The following OCA2 variants were observed in gnomAD, a reference collection of about 807,000 sequenced individuals.
OCA2 encodes OCA2 melanosomal transmembrane protein.
A neutral mutation model predicts 100.2 loss-of-function variants in OCA2; 77 were observed. The observed-to-expected ratio is 0.77, with a 90% CI of 0.64 to 0.93. OCA2 has a LOEUF of 0.93. Ranked by LOEUF, OCA2 falls within the 40% of genes least tolerant of loss-of-function variation. The probability of loss-of-function intolerance (pLI) is 0.00; values close to 1 mark genes in which losing one functional copy is unlikely to be tolerated. For missense variants in OCA2, 1,062 were observed against 1,089.1 expected (o/e 0.98, Z 0.35); for synonymous variants, 432 against 439.2 (o/e 0.98, Z 0.21).
chr15:27,885,092 A>T (rs958525007), intron 19 of OCA2, among the ~76,000 whole-genome samples: 2 of 152,214 alleles, frequency 1.3e-5, no homozygotes, highest in East Asian at 3.8e-4. Flanking sequence ...AAGCTACATG[A>T]CTTATGTTAT....
intron 23 of OCA2, among the ~76,000 whole-genome samples, chr15:27,810,323 T>A (rs1390061999): frequency 6.6e-6 from 1 of 152,168 alleles, no homozygotes; most frequent in Non-Finnish European, 1.5e-5. Context: ...AATGAAACTG[T>A]ATCTCTATCT....
At chr15:27,916,828 G>A (rs1282402866) in intron 19 of OCA2, among the ~76,000 whole-genome samples, 2 of 152,214 alleles carry the variant, frequency 1.3e-5, no homozygotes, top group African/African-American at 4.8e-5. Flanking sequence ...GTGCTTCAGA[G>A]TGGGGCCTGT....
At chr15:27,806,283 GT>G (rs2033843722) in intron 23 of OCA2, among the ~76,000 whole-genome samples, 1 of 152,322 alleles carries the variant, frequency 6.6e-6, no homozygotes, top group East Asian at 1.9e-4. Flanking sequence ...GAAAATAGTT[GT>G]TTTTCATTGT....
At chr15:28,086,365 C>G (rs1477715315) in intron 1 of OCA2, among the ~76,000 whole-genome samples, 1 of 152,182 alleles carries the variant, frequency 6.6e-6, no homozygotes, top group Non-Finnish European at 1.5e-5. Flanking sequence ...AGAGTCCTAG[C>G]GAGAGGCAGA....
At chr15:27,960,274 T>C (rs2040365119) in intron 15 of OCA2, among the ~76,000 whole-genome samples, 1 of 152,222 alleles carries the variant, frequency 6.6e-6, no homozygotes, top group African/African-American at 2.4e-5. Flanking sequence ...ATTAACATTA[T>C]TGTGTCACAG....
chr15:27,868,959 C>T (rs2036434973), intron 21 of OCA2, among the ~76,000 whole-genome samples: 1 of 152,176 alleles, frequency 6.6e-6, no homozygotes, highest in Non-Finnish European at 1.5e-5. Flanking sequence ...GGAGAGACCT[C>T]GACGCCCACC....
chr15:27,968,211 C>G (rs935888422), intron 14 of OCA2, among the ~76,000 whole-genome samples: 2 of 152,340 alleles, frequency 1.3e-5, no homozygotes, highest in East Asian at 3.9e-4. Flanking sequence ...TCCTGAGCCC[C>G]CAGCAGGACA....
chr15:28,004,688 G>T (rs898347234), intron 9 of OCA2, among the ~76,000 whole-genome samples: 1 of 151,554 alleles, frequency 6.6e-6, no homozygotes, highest in South Asian at 2.1e-4. Flanking sequence ...AGTCTCACAC[G>T]CTGACTCACA....
At chr15:27,845,100 G>A in intron 22 of OCA2, 48 bp from the exon 23 acceptor site, 1 of 1,355,466 alleles carries the variant, frequency 7.4e-7, no homozygotes, top group Non-Finnish European at 1.1e-6. Context: ...TTGGTGGTAA[G>A]CTTCTGTTCT....
chr15:28,084,797 C>G (rs746389410), intron 1 of OCA2, among the ~76,000 whole-genome samples: 32 of 152,220 alleles, frequency 2.1e-4, no homozygotes, highest in Non-Finnish European at 4.6e-4. Flanking sequence ...TCAGAGGCCC[C>G]CTTCACCCCA....
intron 18 of OCA2, among the ~76,000 whole-genome samples, chr15:27,938,334 A>T (rs182316053): frequency 6.6e-6 from 1 of 152,298 alleles, no homozygotes; most frequent in Non-Finnish European, 1.5e-5. Context: ...GTAGCTAAGC[A>T]TCCACCCTGT....
chr15:27,933,204 T>G (rs183512584), intron 18 of OCA2, among the ~76,000 whole-genome samples: 1 of 152,082 alleles, frequency 6.6e-6, no homozygotes, highest in Non-Finnish European at 1.5e-5. Context: ...AAACATAAAG[T>G]CTAAAACTAT....
chr15:27,893,621 G>C (rs1390423080), intron 19 of OCA2, among the ~76,000 whole-genome samples: 1 of 152,130 alleles, frequency 6.6e-6, no homozygotes, highest in Non-Finnish European at 1.5e-5. Flanking sequence ...GGGAATGTCT[G>C]TATTATGCAG....
chr15:28,078,934 G>A (rs2044523503), intron 2 of OCA2, among the ~76,000 whole-genome samples: 1 of 152,108 alleles, frequency 6.6e-6, no homozygotes, highest in Admixed American at 6.5e-5. Context: ...TGATGTAACT[G>A]ACCCAAGAAA....
intron 23 of OCA2, among the ~76,000 whole-genome samples, chr15:27,839,002 GA>G (rs953003627): frequency 6.6e-6 from 1 of 151,932 alleles, no homozygotes; most frequent in African/African-American, 2.4e-5. Context: ...GGGGGTGGAG[GA>G]AAAAATGAAT....
At chr15:27,806,436 T>A (rs6497236) in intron 23 of OCA2, among the ~76,000 whole-genome samples, 105,237 of 152,078 alleles carry the variant, frequency 0.69, 37,234 homozygotes, top group East Asian at 1. Flanking sequence ...GCTTGGGGAG[T>A]AAGCAAGGGA....
chr15:27,787,687 T>A (rs2032883545), intron 23 of OCA2, among the ~76,000 whole-genome samples: 2 of 151,994 alleles, frequency 1.3e-5, no homozygotes, highest in Admixed American at 1.3e-4. Flanking sequence ...TTTTAAAGAA[T>A]CAATTTGGGT....
At chr15:28,010,172 AAG>A (rs1426218309) in intron 9 of OCA2, among the ~76,000 whole-genome samples, 2 of 152,144 alleles carry the variant, frequency 1.3e-5, no homozygotes, top group Non-Finnish European at 2.9e-5. Context: ...TTTAAAAAAA[AAG>A]AGAGAGAGAG....
chr15:27,786,030 G>A (rs2151106870), intron 23 of OCA2, among the ~76,000 whole-genome samples: 1 of 152,238 alleles, frequency 6.6e-6, no homozygotes, highest in African/African-American at 2.4e-5. Flanking sequence ...GAAATATCTG[G>A]AATAGGAAAA....
Sources: gnomAD v4.1 joint callset for allele counts (sites outside exome capture counted in the v4.1 genomes callset) on GRCh38, gnomAD v4.1.1 for gene constraint, MANE v1.5 for transcripts, NCBI Gene and HGNC (gene_info 2026-07-23, HGNC 2026-07-21) for gene names.